Variants in WDFY4 observed in about 807,000 individuals in gnomAD.
The protein encoded by WDFY4 is WD repeat- and FYVE domain-containing protein 4.
Under a neutral mutation model 351.9 loss-of-function variants are expected in WDFY4, and 169 were observed. The observed-to-expected ratio is 0.48, with a 90% CI of 0.42 to 0.55. WDFY4 has a LOEUF of 0.55. WDFY4 is among the 20% of genes least tolerant of loss of function. The pLI is 0.00. For synonymous variants in WDFY4, 1,622 were observed against 1,574.6 expected (o/e 1.03, Z -0.71); for missense variants, 3,803 against 3,935.6 (o/e 0.97, Z 0.90).
intron 32 of WDFY4, among the ~76,000 whole-genome samples, chr10:48,819,052 C>G (rs2067720371): frequency 6.6e-6 from 1 of 152,230 alleles, no homozygotes; most frequent in Non-Finnish European, 1.5e-5. Context: ...TGAGTCGGGG[C>G]TCCAGCCGAG....
intron 51 of WDFY4, among the ~76,000 whole-genome samples, chr10:48,951,400 A>C (rs1841314874): frequency 6.6e-6 from 1 of 152,106 alleles, no homozygotes; most frequent in African/African-American, 2.4e-5. Flanking sequence ...AGCAGCCCCA[A>C]GATGCTGTAG....
At chr10:48,943,529 G>A in intron 49 of WDFY4, 80 bp downstream of exon 49, 1 of 1,449,004 alleles carries the variant, frequency 6.9e-7, no homozygotes, top group Non-Finnish European at 9.2e-7. Flanking sequence ...AGCATGCAGA[G>A]CCTCTGCTAG....
At chr10:48,718,637 A>G (rs1267514136) in intron 2 of WDFY4, among the ~76,000 whole-genome samples, 3 of 152,212 alleles carry the variant, frequency 2.0e-5, no homozygotes, top group Non-Finnish European at 4.4e-5. Context: ...GAATCTCTCA[A>G]GAACTCAAGT....
chr10:48,777,310 C>A, intron 16 of WDFY4, 109 bp from the exon 17 acceptor site: 1 of 1,053,440 alleles, frequency 9.5e-7, no homozygotes. Context: ...AGGAGGGTTA[C>A]AGTGCCGGCA....
intron 13 of WDFY4, among the ~76,000 whole-genome samples, chr10:48,768,352 G>A (rs549347548): frequency 7.9e-5 from 12 of 152,218 alleles, no homozygotes; most frequent in Admixed American, 2.0e-4. Flanking sequence ...GCAGCACAGC[G>A]AGCCCCTTTG....
At chr10:48,881,634 A>G (rs906622450) in intron 43 of WDFY4, among the ~76,000 whole-genome samples, 9 of 152,236 alleles carry the variant, frequency 5.9e-5, no homozygotes, top group African/African-American at 1.9e-4. Context: ...AGCAGGCCCC[A>G]GGAATTCACA....
At chr10:48,769,405 C>T (rs2065786676) in intron 13 of WDFY4, among the ~76,000 whole-genome samples, 1 of 152,126 alleles carries the variant, frequency 6.6e-6, no homozygotes, top group African/African-American at 2.4e-5. Flanking sequence ...TCCGTAGGCC[C>T]CATTTATTGC....
chr10:48,804,776 A>AGG (rs10688279), intron 25 of WDFY4: 230,574 of 982,676 alleles, frequency 0.23, 28,867 homozygotes, highest in East Asian at 0.69. Flanking sequence ...TATCTGAGGG[A>AGG]GGGGGTATGG....
At chr10:48,909,154 T>C (rs1050081836) in intron 47 of WDFY4, among the ~76,000 whole-genome samples, 1 of 152,240 alleles carries the variant, frequency 6.6e-6, no homozygotes, top group African/African-American at 2.4e-5. Context: ...TACCAGTTTG[T>C]TTAACAATTT....
intron 39 of WDFY4, among the ~76,000 whole-genome samples, chr10:48,853,049 G>A (rs991778047): frequency 2.0e-5 from 3 of 152,012 alleles, no homozygotes; most frequent in Admixed American, 6.6e-5. Flanking sequence ...TCATCTCACC[G>A]GGCTTCTCTG....
At chr10:48,952,034 T>C (rs1376467858) in intron 51 of WDFY4, among the ~76,000 whole-genome samples, 1 of 152,214 alleles carries the variant, frequency 6.6e-6, no homozygotes, top group Non-Finnish European at 1.5e-5. Context: ...CTGGTTTTTG[T>C]ACAAGACAGA....
rs1168619054 is a variant in WDFY4, at chr10:48,981,399, C to T, written c.9409C>T (p.Arg3137Ter). The T allele has an allele frequency of 3.2e-6, 5 of 1,551,762 alleles. No individual in the cohort carries two copies. The highest frequency in any genetic ancestry group is 1.2e-5 in the South Asian group (1 of 84,046). Reference sequence around the variant, plus strand: ...GTGGGAGAAGAACCTGGCCTTGAGTCGAGAGCTGGACGTTAGCATTGCTTT... The same window carrying T: ...GTGGGAGAAGAACCTGGCCTTGAGTTGAGAGCTGGACGTTAGCATTGCTTT... ...HKWEKNLALS[R>*]ELDVSIALTG... Residue 3137 changes from arginine to a stop codon, truncating the protein, a stop_gained, in exon 61 of 62, where the codon CGA becomes TGA. Transcript: ENST00000325239. LOFTEE classifies it high-confidence loss of function.
chr10:48,927,262 A>T (rs1312686544), intron 47 of WDFY4, among the ~76,000 whole-genome samples: 1 of 151,998 alleles, frequency 6.6e-6, no homozygotes, highest in East Asian at 1.9e-4. Flanking sequence ...CCTCAGACCC[A>T]TGCTAAGAGG....
At chr10:48,941,228 G>A (rs1366578384) in intron 47 of WDFY4, among the ~76,000 whole-genome samples, 1 of 152,210 alleles carries the variant, frequency 6.6e-6, no homozygotes, top group African/African-American at 2.4e-5. Flanking sequence ...GGGAGGCTGG[G>A]TGGAGAACCG....
chr10:48,687,350 G>A (rs578255589), intron 1 of WDFY4, among the ~76,000 whole-genome samples: 1 of 151,902 alleles, frequency 6.6e-6, no homozygotes, highest in East Asian at 1.9e-4. Flanking sequence ...GAATTTCTTA[G>A]TTTCAAATAA....
chr10:48,803,502 GCTTGTGGGGCAGTCTCCT>G, intron 25 of WDFY4, 143 bp downstream of exon 25: 1 of 800,788 alleles, frequency 1.2e-6, no homozygotes, highest in Non-Finnish European at 2.0e-6. Flanking sequence ...AGTGGCTCAT[GCTTGTGGGGCAGTCTCCT>G]CTCATGGTCT....
At chr10:48,728,882 T>C (rs936641923) in intron 7 of WDFY4, among the ~76,000 whole-genome samples, 1 of 152,220 alleles carries the variant, frequency 6.6e-6, no homozygotes, top group African/African-American at 2.4e-5. Flanking sequence ...CCACGTGGGC[T>C]CATTGGCTTT....
In WDFY4 at chr10:48,867,343, G is replaced by T; in HGVS notation, c.6741+1G>T. 1 of 1,489,068 alleles carries T rather than the reference G, an allele frequency of 6.7e-7. No individual in the cohort carries two copies. The highest frequency in any genetic ancestry group is 2.6e-5 in the East Asian group (1 of 38,676). The allele number at this position is 1,489,068 out of a possible 1,614,324, so 92.2% of individuals were successfully genotyped here. A position where few individuals can be genotyped will look rare whatever the true frequency, so the allele number is the denominator to read the frequency against. ...ATCTTTATACAAAGACCATGTGCAA[G>T]TAAGAAACAAAACATAGGCTTTCTC... On this transcript the variant is annotated splice_donor_variant, in intron 40 of 61. Transcript: ENST00000325239. LOFTEE classifies it high-confidence loss of function.
Position 48,735,885 on chromosome 10 carries a change from C to T in WDFY4, c.1693C>T (p.Leu565=), listed in dbSNP as rs1248988780. The part of the protein sequence containing the change: ...LKGSVRNAVV[L]KDHGMVPFIK... Reference sequence around the variant, plus strand: ...TCTGTCTGTCTGATCCTTAGTTGTCCTGAAGGACCACGGCATGGTGCCCTT... The same window carrying T: ...TCTGTCTGTCTGATCCTTAGTTGTCTTGAAGGACCACGGCATGGTGCCCTT... Residue 565 remains leucine (L), a synonymous_variant, in exon 11 of 62, where the codon CTG becomes TTG. Transcript: ENST00000325239. The T allele has an allele frequency of 5.8e-6, 9 of 1,551,434 alleles. No individual in the cohort carries two copies. In the Admixed American group the frequency reaches 1.8e-4, roughly 30 times the overall value.
Sources: gnomAD v4.1 joint callset for allele counts (sites outside exome capture counted in the v4.1 genomes callset) on GRCh38, gnomAD v4.1.1 for gene constraint, MANE v1.5 for transcripts, NCBI Gene and HGNC (gene_info 2026-07-23, HGNC 2026-07-21) for gene names.